The following NEDD9 variants were observed in gnomAD, a reference collection of about 807,000 sequenced individuals.
NEDD9 encodes enhancer of filamentation 1.
In NEDD9, 26 loss-of-function variants were observed where a neutral mutation model predicts 76.6. That is an observed-to-expected ratio of 0.34 (90% confidence interval 0.25 to 0.47). NEDD9 has a LOEUF of 0.47. NEDD9 is among the 20% of genes least tolerant of loss of function. NEDD9 has a pLI of 1.00. For missense variants in NEDD9, 937 were observed against 1,058.5 expected, an observed-to-expected ratio of 0.89 and a Z score of 1.59; for synonymous variants, 392 against 414.2, an observed-to-expected ratio of 0.95 and a Z score of 0.65.
At chr6:11,257,882 C>T (rs1455866947) in intron 3 of NEDD9, among the ~76,000 whole-genome samples, 4 of 151,080 alleles carry the variant, frequency 2.6e-5, no homozygotes, top group Non-Finnish European at 1.5e-5. Context: ...GTTATTTGTC[C>T]CCTACTCATA....
At chr6:11,297,137 T>G (rs73721530) in intron 3 of NEDD9, among the ~76,000 whole-genome samples, 24 of 148,168 alleles carry the variant, frequency 1.6e-4, no homozygotes, top group Admixed American at 4.6e-4. Flanking sequence ...GTTTTGTTTT[T>G]TTTTTTTTTT....
chr6:11,244,114 A>T (rs1307232778), intron 3 of NEDD9, among the ~76,000 whole-genome samples: 1 of 152,176 alleles, frequency 6.6e-6, no homozygotes, highest in African/African-American at 2.4e-5. Flanking sequence ...TTCCCTGAAG[A>T]AGAGGGAATT....
intron 3 of NEDD9, among the ~76,000 whole-genome samples, chr6:11,254,118 TTTTC>T (rs769940403): frequency 2.0e-5 from 3 of 152,192 alleles, no homozygotes; most frequent in Non-Finnish European, 4.4e-5. Context: ...TATCTGAAAC[TTTTC>T]TTTCTTTTTT....
rs373475654 is a variant in NEDD9, at chr6:11,355,781, C to T, written c.-213-21220G>A. On this transcript the variant is annotated intron_variant, in intron 1 of 3. Transcript: ENST00000397378. Reference sequence around the variant, plus strand: ...TGTCGCCCAGGCTGGAGGGCAGTGGCGCGATCTCCGCTCACTGCAAGCTCC... The same window carrying T: ...TGTCGCCCAGGCTGGAGGGCAGTGGTGCGATCTCCGCTCACTGCAAGCTCC... Among the ~76,000 whole-genome samples the T allele has an allele frequency of 3.4e-3, 516 of 151,954 alleles. 2 individuals carry two copies. The highest frequency in any genetic ancestry group is 6.9e-3 in the East Asian group (36 of 5,182).
At chr6:11,232,994 A>ACAGT (rs1287092635), upstream of NEDD9, among the ~76,000 whole-genome samples, 1 of 152,148 alleles carries the variant, frequency 6.6e-6, no homozygotes, top group African/African-American at 2.4e-5. Context: ...AAGCAGTCTG[A>ACAGT]CAGTCGCGCT....
At chr6:11,283,174 A>T (rs1760574202) in intron 3 of NEDD9, among the ~76,000 whole-genome samples, 1 of 152,154 alleles carries the variant, frequency 6.6e-6, no homozygotes, top group African/African-American at 2.4e-5. Context: ...GAACATCCTT[A>T]AATACTCTAT....
intron 3 of NEDD9, among the ~76,000 whole-genome samples, chr6:11,262,003 T>A (rs948710352): frequency 6.6e-6 from 1 of 152,204 alleles, no homozygotes; most frequent in Non-Finnish European, 1.5e-5. Flanking sequence ...TTCCTTAACT[T>A]TATCTGACTT....
At position 11,184,848 on chromosome 6, in the gene NEDD9, T is replaced by A. The variant is rs1162660042; in HGVS notation, c.*314A>T. 2.3e-5 allele frequency: 5 copies of A among 213,040 alleles called. No homozygotes were observed. Among genetic ancestry groups the A allele is most frequent in the African/African-American group, 4.6e-5 (2 of 43,328 alleles). 13.2% of individuals were successfully genotyped at this position (213,040 alleles called of 1,614,324 possible). On this transcript the variant is annotated 3_prime_UTR_variant, in exon 7 of 7. Coordinates refer to ENST00000379446, the MANE Select transcript of NEDD9 (RefSeq NM_006403.4). ...GCTTCGTAATTCATGGTTTTTTTTTTAATGAAATGCATCAGACAAACATCT... is the reference window on the plus strand; with the variant it reads ...GCTTCGTAATTCATGGTTTTTTTTTAAATGAAATGCATCAGACAAACATCT...
At chr6:11,319,580 TCA>T (rs1158928018) in intron 2 of NEDD9, among the ~76,000 whole-genome samples, 1 of 107,730 alleles carries the variant, frequency 9.3e-6, no homozygotes, top group East Asian at 2.4e-4. Flanking sequence ...TAATATGCAC[TCA>T]CACTAACGCA....
At chr6:11,318,726 G>C (rs1761656004) in intron 2 of NEDD9, among the ~76,000 whole-genome samples, 1 of 152,034 alleles carries the variant, frequency 6.6e-6, no homozygotes, top group African/African-American at 2.4e-5. Context: ...CTTCTAAAAT[G>C]ACATTACACA....
chr6:11,256,311 T>C (rs1174258004), intron 3 of NEDD9, among the ~76,000 whole-genome samples: 2 of 152,190 alleles, frequency 1.3e-5, no homozygotes, highest in African/African-American at 4.8e-5. Context: ...GTTCCTCTCC[T>C]GCCAGGTGTA....
chr6:11,328,086 G>A (rs1477645999), intron 2 of NEDD9, among the ~76,000 whole-genome samples: 1 of 152,244 alleles, frequency 6.6e-6, no homozygotes, highest in Non-Finnish European at 1.5e-5. Context: ...GCTCCCATGG[G>A]TAGTACTAGC....
At chr6:11,351,097 T>C (rs1762459935) in intron 1 of NEDD9, among the ~76,000 whole-genome samples, 1 of 152,088 alleles carries the variant, frequency 6.6e-6, no homozygotes, top group African/African-American at 2.4e-5. Flanking sequence ...AGAAGTGAGC[T>C]GGCAAGAGAT....
intron 3 of NEDD9, among the ~76,000 whole-genome samples, chr6:11,298,386 G>A (rs1582006940): frequency 6.6e-6 from 1 of 152,056 alleles, no homozygotes; most frequent in African/African-American, 2.4e-5. Context: ...GACCTCAAAG[G>A]CCCTTTTGAC....
intron 2 of NEDD9, among the ~76,000 whole-genome samples, chr6:11,327,973 G>A (rs1761963796): frequency 6.6e-6 from 1 of 152,222 alleles, no homozygotes; most frequent in Non-Finnish European, 1.5e-5. Flanking sequence ...CACCCTAGGG[G>A]GAAAATGGAC....
intron 2 of NEDD9, among the ~76,000 whole-genome samples, chr6:11,319,597 C>T (rs1433404873): frequency 7.0e-6 from 1 of 142,968 alleles, no homozygotes; most frequent in Non-Finnish European, 1.5e-5. Context: ...AACGCACACA[C>T]TAACCATGCA....
chr6:11,233,555 TGAC>T (rs541595146), upstream of NEDD9: 9 of 518,480 alleles, frequency 1.7e-5, no homozygotes, highest in Non-Finnish European at 3.5e-5. Flanking sequence ...GTCCTGAGGA[TGAC>T]CCATTAACCC....
At chr6:11,221,272 A>G (rs1251766925) in intron 1 of NEDD9, among the ~76,000 whole-genome samples, 1 of 151,766 alleles carries the variant, frequency 6.6e-6, no homozygotes, top group African/African-American at 2.4e-5. Context: ...AGTTTCAGTT[A>G]CTCGGGAGGC....
chr6:11,265,833 AATGGAATACTCTTCAGCC>A (rs1405573784), intron 3 of NEDD9, among the ~76,000 whole-genome samples: 11 of 152,230 alleles, frequency 7.2e-5, no homozygotes, highest in Non-Finnish European at 1.5e-4. Context: ...ATATAAATGC[AATGGAATACTCTTCAGCC>A]ATAAAAAAGA....
Sources: allele counts gnomAD v4.1 joint callset (sites outside exome capture counted in the v4.1 genomes callset), GRCh38; gene constraint gnomAD v4.1.1; transcripts MANE v1.5; gene names NCBI Gene and HGNC (gene_info 2026-07-23, HGNC 2026-07-21).